The following OR2A14 variants were observed in gnomAD, a reference collection of about 807,000 sequenced individuals.
OR2A14 encodes the protein olfactory receptor 2A14.
A neutral mutation model predicts 2.4 loss-of-function variants in OR2A14; 2 were observed. The ratio of observed to expected loss-of-function variants is 0.85; its 90% CI spans 0.35 to 2.67. The LOEUF (loss-of-function observed/expected upper bound fraction) is 2.67, where lower values mean the gene tolerates loss of function less well. Among genes scored for constraint, OR2A14 ranks in the 30% most tolerant of loss-of-function variants. OR2A14 has a pLI of 0.10. For missense variants in OR2A14, 390 were observed against 379.4 expected (o/e 1.03, Z -0.23); for synonymous variants, 160 against 156.3 (o/e 1.02, Z -0.18).
At chr7:144,123,477 C>A (rs1040860436) in intron 1 of OR2A14, among the ~76,000 whole-genome samples, 2 of 152,122 alleles carry the variant, frequency 1.3e-5, no homozygotes, top group Admixed American at 6.6e-5. Flanking sequence ...TACCTCTGAC[C>A]TTCTCGGCCC....
In OR2A14 at chr7:144,129,909, C is replaced by T. The variant is rs753527594; in HGVS notation, c.797C>T (p.Pro266Leu). ...TACATGGCCCCCAAGTCCCGCCATC[C>T]TGAGGAGCAGCAGAAAGTTCTTTCC... Reference protein sequence around the residue: ...VTYMAPKSRHPEEQQKVLSLF... With the variant: ...VTYMAPKSRHLEEQQKVLSLF... Residue 266 changes from proline to leucine, a missense_variant, in exon 2 of 2, where the codon CCT (proline) becomes CTT (leucine). Coordinates refer to ENST00000641068, the MANE Select transcript of OR2A14 (RefSeq NM_001001659.3). 3 of 1,614,228 alleles carry T rather than the reference C, an allele frequency of 1.9e-6. No individual in the cohort carries two copies. The highest frequency in any genetic ancestry group is 2.5e-6 in the Non-Finnish European group (3 of 1,180,026).
intron 1 of OR2A14, among the ~76,000 whole-genome samples, chr7:144,124,890 T>C (rs1414221140): frequency 1.3e-5 from 2 of 152,184 alleles, no homozygotes; most frequent in Middle Eastern, 3.2e-3. Context: ...AAGCAAAATG[T>C]GTGTCTTATA....
chr7:144,125,171 C>T (rs372577954), intron 1 of OR2A14, among the ~76,000 whole-genome samples: 111 of 152,292 alleles, frequency 7.3e-4, no homozygotes, highest in African/African-American at 2.3e-3. Flanking sequence ...GACTCAAATG[C>T]GTCATGTTCA....
At position 144,130,742 on chromosome 7, in the gene OR2A14, A is replaced by G. The variant is rs552935890; in HGVS notation, c.*697A>G. On this transcript the variant is annotated 3_prime_UTR_variant, in exon 2 of 2. Transcript: ENST00000641068. ...AGCCAAGTCACATTGAGTTAACAGG[A>G]GCATAGTACACATCCTCAAGATCAA... 6.6e-6 allele frequency: 1 copy of G among 152,352 alleles called. No individual in the cohort carries two copies. Among genetic ancestry groups the G allele is most frequent in the African/African-American group, 2.4e-5 (1 of 41,580 alleles). The allele number at this position is 152,352 out of a possible 1,614,324, so 9.4% of individuals were successfully genotyped here.
rs1044251388 is a variant in OR2A14 at position 144,124,372 on chromosome 7, G to T, written c.-35+1108G>T. On this transcript the variant is annotated intron_variant, in intron 1 of 1. Coordinates refer to ENST00000641068, the MANE Select transcript of OR2A14 (RefSeq NM_001001659.3). ...AGCTACTTGGGGAGCTGAGGCAGGAGAATTGCTTGAACCTGGGAGGCGGAG... is the reference window on the plus strand; with the variant it reads ...AGCTACTTGGGGAGCTGAGGCAGGATAATTGCTTGAACCTGGGAGGCGGAG... Among the ~76,000 whole-genome samples, 6 of 146,968 alleles carry T rather than the reference G, an allele frequency of 4.1e-5. No homozygotes were observed. The South Asian group carries it at 1.3e-3, about 33-fold the overall frequency.
At chr7:144,125,906 C>A (rs2051479554) in intron 1 of OR2A14, among the ~76,000 whole-genome samples, 1 of 151,678 alleles carries the variant, frequency 6.6e-6, no homozygotes, top group Admixed American at 6.6e-5. Flanking sequence ...TTTTTTTACT[C>A]CTAAAGCATC....
At chr7:144,123,698 A>T (rs2051461282) in intron 1 of OR2A14, among the ~76,000 whole-genome samples, 1 of 152,210 alleles carries the variant, frequency 6.6e-6, no homozygotes, top group African/African-American at 2.4e-5. Context: ...TTGCTTACCC[A>T]GGGATGTATC....
In OR2A14 at chr7:144,130,012, G is replaced by A. The variant is rs373021734; in HGVS notation, c.900G>A (p.Leu300=). Residue 300 remains leucine, a synonymous_variant, in exon 2 of 2, where the codon CTG becomes CTA. Coordinates refer to ENST00000641068, the MANE Select transcript of OR2A14 (RefSeq NM_001001659.3). ...SLRNAEVKGA[L]RRALRKERLT is the part of the protein sequence containing the mutation. ...GGAATGCAGAGGTCAAGGGCGCCCT[G>A]AGGAGGGCACTGAGGAAGGAGAGGC... The A allele has an allele frequency of 3.0e-5, 49 of 1,613,750 alleles. No individual in the cohort carries two copies. Among genetic ancestry groups the A allele is most frequent in the Non-Finnish European group, 4.0e-5 (47 of 1,179,784 alleles).
Position 144,130,093 on chromosome 7 carries a change from T to G in OR2A14, c.*48T>G. 6.9e-7 allele frequency: 1 copy of G among 1,447,604 alleles called. No individual in the cohort carries two copies. The highest frequency in any genetic ancestry group is 9.2e-7 in the Non-Finnish European group (1 of 1,085,578). The allele number at this position is 1,447,604 out of a possible 1,614,324, so 89.7% of individuals were successfully genotyped here. ...GGAGGGAGCCTTGCTCCCTGCAAAA[T>G]ATAGAAGTTGGCTTTTTTTTTTTGT... On this transcript the variant is annotated 3_prime_UTR_variant, in exon 2 of 2. Coordinates refer to ENST00000641068, the MANE Select transcript of OR2A14 (RefSeq NM_001001659.3).
Position 144,129,348 on chromosome 7 carries a change from A to G in OR2A14, c.236A>G (p.Lys79Arg). The change falls in exon 2 of 2, where the codon AAG becomes AGG. Residue 79 changes from lysine (K) to arginine (R), a missense_variant. By Grantham distance (26) the Lys-to-Arg change is conservative. Coordinates refer to ENST00000641068, the MANE Select transcript of OR2A14 (RefSeq NM_001001659.3). Reference sequence around the variant, plus strand: ...TCCTATGCTTCCAACTATGTCCCCAAGATGCTGACGAATCTTATGAACCAG... The same window carrying G: ...TCCTATGCTTCCAACTATGTCCCCAGGATGCTGACGAATCTTATGAACCAG... ...DISYASNYVP[K>R]MLTNLMNQES... The G allele has an allele frequency of 6.2e-7, 1 of 1,614,188 alleles. No individual in the cohort carries two copies. The highest frequency in any genetic ancestry group is 8.5e-7 in the Non-Finnish European group (1 of 1,180,026).
At chr7:144,127,371 A>T (rs941236502) in intron 1 of OR2A14, among the ~76,000 whole-genome samples, 18 of 152,210 alleles carry the variant, frequency 1.2e-4, no homozygotes, top group Admixed American at 1.1e-3. Flanking sequence ...AATTGGTCAG[A>T]TTTTCTAGAT....
At chr7:144,123,844 C>T (rs1370459708) in intron 1 of OR2A14, among the ~76,000 whole-genome samples, 2 of 151,184 alleles carry the variant, frequency 1.3e-5, no homozygotes, top group African/African-American at 2.5e-5. Context: ...TGTCAGGGTA[C>T]AGGTTCTCTT....
Position 144,129,083 on chromosome 7 carries a change from G to A in OR2A14, c.-30G>A. On this transcript the variant is annotated 5_prime_UTR_variant, in exon 2 of 2. An upstream open reading frame in the 5' UTR loses its in-frame stop. Transcript: ENST00000641068. ...GCATCTTTGACTGGCCCACAGCTCT[G>A]ACCTTCCTGTCCTAGATGTCCACAA... 2 of 1,573,438 alleles carry A rather than the reference G, an allele frequency of 1.3e-6. No homozygotes were observed. The highest frequency in any genetic ancestry group is 1.7e-6 in the Non-Finnish European group (2 of 1,150,622).
chr7:144,129,357 C>G lies in OR2A14; in HGVS notation c.245C>G (p.Thr82Arg). The change falls in exon 2 of 2, where the codon ACG (threonine) becomes AGG (arginine). Residue 82 changes from threonine to arginine, a missense_variant. Coordinates refer to ENST00000641068, the MANE Select transcript of OR2A14 (RefSeq NM_001001659.3). ...TCCAACTATGTCCCCAAGATGCTGA[C>G]GAATCTTATGAACCAGGAAAGCACC... ...YASNYVPKML[T>R]NLMNQESTIS... is the part of the protein sequence containing the mutation. 6.2e-7 allele frequency: 1 copy of G among 1,614,100 alleles called. No homozygotes were observed. The highest frequency in any genetic ancestry group is 1.3e-5 in the African/African-American group (1 of 75,042).
rs34602346 is a variant in OR2A14 at position 144,129,636 on chromosome 7, ACTT to A, written c.530_532del (p.Phe177del). ...TTCTGCGGGCCTCATGAAATCAACC[ACTT>A]CTTCTGTGAAATCCTGTCTGTCCTC... On this transcript the variant is annotated inframe_deletion, in exon 2 of 2. Coordinates refer to ENST00000641068, the MANE Select transcript of OR2A14 (RefSeq NM_001001659.3). 870,893 of 1,612,840 alleles carry A rather than the reference ACTT, an allele frequency of 0.54. 238,628 individuals carry two copies. Among genetic ancestry groups the A allele is most frequent in the East Asian group, 0.75 (33,459 of 44,804 alleles).
At position 144,129,602 on chromosome 7, in the gene OR2A14, A is replaced by T. The variant is rs1208745272; in HGVS notation, c.490A>T (p.Ser164Cys). ...TCTGGTCCCTTTAGTTCTCATCCTGAGCCTGCCCTTCTGCGGGCCTCATGA... is the reference window on the plus strand; with the variant it reads ...TCTGGTCCCTTTAGTTCTCATCCTGTGCCTGCCCTTCTGCGGGCCTCATGA... ...LALVPLVLIL[S>C]LPFCGPHEIN... Residue 164 changes from serine (S) to cysteine (C), a missense_variant, in exon 2 of 2, where the codon AGC (serine) becomes TGC (cysteine). Coordinates refer to ENST00000641068, the MANE Select transcript of OR2A14 (RefSeq NM_001001659.3). The T allele has an allele frequency of 1.9e-6, 3 of 1,611,540 alleles. No individual in the cohort carries two copies. In the South Asian group the frequency reaches 3.3e-5, roughly 18 times the overall value.
intron 1 of OR2A14, among the ~76,000 whole-genome samples, chr7:144,125,115 TGTG>T (rs2051473044): frequency 1.3e-5 from 2 of 152,242 alleles, no homozygotes. Flanking sequence ...TTTTGGTATC[TGTG>T]GTCAACATTT....
Position 144,129,393 on chromosome 7 carries a change from T to G in OR2A14, c.281T>G (p.Phe94Cys), listed in dbSNP as rs1340713656. 6.2e-7 allele frequency: 1 copy of G among 1,614,208 alleles called. No homozygotes were observed. Among genetic ancestry groups the G allele is most frequent in the Non-Finnish European group, 8.5e-7 (1 of 1,180,024 alleles). The change falls in exon 2 of 2, where the codon TTT (phenylalanine) becomes TGT (cysteine). Residue 94 changes from phenylalanine to cysteine, a missense_variant. By Grantham distance (205) the Phe-to-Cys change is radical. Transcript: ENST00000641068. ...AACCAGGAAAGCACCATCTCCTTTTTTCCATGCATAATGCAGACATTCTTG... is the reference window on the plus strand; with the variant it reads ...AACCAGGAAAGCACCATCTCCTTTTGTCCATGCATAATGCAGACATTCTTG... ...LMNQESTISFFPCIMQTFLYL... is the reference protein window; with the variant it reads ...LMNQESTISFCPCIMQTFLYL...
chr7:144,124,462 C>CA (rs10664756), intron 1 of OR2A14, among the ~76,000 whole-genome samples: 3,156 of 84,674 alleles, frequency 0.037, 112 homozygotes, highest in Non-Finnish European at 0.048. Context: ...AACTCCGTCT[C>CA]AAAAAAAAAA....
Sources: gnomAD v4.1 joint callset for allele counts (sites outside exome capture counted in the v4.1 genomes callset) on GRCh38, gnomAD v4.1.1 for gene constraint, MANE v1.5 for transcripts, NCBI Gene and HGNC (gene_info 2026-07-23, HGNC 2026-07-21) for gene names.